STOX2: variants seen among roughly 807,000 people sequenced by gnomAD.
STOX2 encodes storkhead box 2, also known as storkhead-box protein 2.
Under a neutral mutation model 60.9 loss-of-function variants are expected in STOX2, and 28 were observed. The observed-to-expected ratio is 0.46, with a 90% CI of 0.34 to 0.63. The LOEUF (loss-of-function observed/expected upper bound fraction) is 0.63. Among genes scored for constraint, STOX2 ranks in the 30% least tolerant of loss-of-function variants. The pLI, the probability that STOX2 is intolerant of heterozygous loss-of-function variation, is 0.01. For missense variants in STOX2, 1,024 were observed against 1,187.7 expected (o/e 0.86, Z 2.03); for synonymous variants, 472 against 463.9 (o/e 1.02, Z -0.22).
At position 183,848,594 on chromosome 4, in the gene STOX2, C is replaced by T. The variant is rs144123646; in HGVS notation, c.364+50539C>T. Among the ~76,000 whole-genome samples the T allele has an allele frequency of 3.9e-5, 6 of 151,946 alleles. No homozygotes were observed. In the East Asian group the frequency reaches 7.8e-4, roughly 20 times the overall value. ...CTGTAAGCCAGGAAGAGAGAATAAC[C>T]GTTAGGTGGGCAGTGGACAATGGCT... On this transcript the variant is annotated intron_variant, in intron 1 of 2. Coordinates refer to the STOX2 transcript ENST00000513034.
At chr4:183,829,959 GC>G (rs1282436766) in intron 1 of STOX2, among the ~76,000 whole-genome samples, 3 of 152,190 alleles carry the variant, frequency 2.0e-5, no homozygotes, top group Non-Finnish European at 4.4e-5. Flanking sequence ...GCTGAAGATG[GC>G]CATTACTGGG....
chr4:183,798,822 A>G (rs1738693395), intron 1 of STOX2: 2 of 960,230 alleles, frequency 2.1e-6, no homozygotes, highest in Non-Finnish European at 2.4e-6. Context: ...TTATTGCACT[A>G]CTTCATTTCC....
intron 1 of STOX2, among the ~76,000 whole-genome samples, chr4:183,979,952 G>A (rs1732588958): frequency 6.6e-6 from 1 of 151,900 alleles, no homozygotes; most frequent in African/African-American, 2.4e-5. Context: ...TTATTCCTGA[G>A]GAACTAATAT....
rs1035315225 is a variant in STOX2, at chr4:183,821,765, C to G, written c.364+23710C>G. On this transcript the variant is annotated intron_variant, in intron 1 of 2. Transcript: ENST00000513034. The surrounding 1 kb of genome is among the most constrained non-coding windows in gnomAD (Gnocchi z 4.2). ...TCCCTGCTGCTCCAGCAGCCTCCCC[C>G]TCCACATCCCTGCGGAGCACCCATC... Among the ~76,000 whole-genome samples, 3 of 152,232 alleles carry G rather than the reference C, an allele frequency of 2.0e-5. No individual in the cohort carries two copies. The highest frequency in any genetic ancestry group is 6.5e-5 in the Admixed American group (1 of 15,280).
At chr4:183,822,171 CCAGAGAGGA>C (rs2111111579) in intron 1 of STOX2, among the ~76,000 whole-genome samples, 1 of 152,316 alleles carries the variant, frequency 6.6e-6, no homozygotes, top group South Asian at 2.1e-4. Context: ...CCTGTGCCCT[CCAGAGAGGA>C]CAGATCCCAT....
In STOX2 at chr4:184,022,822, C is replaced by T. The variant is rs56285832; in HGVS notation, c.*5538C>T. On this transcript the variant is annotated 3_prime_UTR_variant, in exon 4 of 4. Coordinates refer to ENST00000308497, the MANE Select transcript of STOX2 (RefSeq NM_020225.3). ...CCACCTAGATACTGACACACCGCCA[C>T]GGTTTCCACATTGGAAGGGCAGAAC... The T allele has an allele frequency of 0.2, 30,909 of 152,096 alleles. 3,548 individuals carry two copies. The highest frequency in any genetic ancestry group is 0.36 in the Middle Eastern group (108 of 296). 9.4% of individuals were successfully genotyped at this position (152,096 alleles called of 1,614,324 possible).
At chr4:183,844,649 G>T (rs898162023) in intron 1 of STOX2, among the ~76,000 whole-genome samples, 5 of 152,188 alleles carry the variant, frequency 3.3e-5, no homozygotes, top group Admixed American at 3.3e-4. Context: ...TTTAATTGCA[G>T]TTATTAAAAA....
intron 1 of STOX2, among the ~76,000 whole-genome samples, chr4:183,880,548 T>C (rs937737866): frequency 6.6e-6 from 1 of 152,188 alleles, no homozygotes; most frequent in Non-Finnish European, 1.5e-5. Context: ...ATAAAGATAA[T>C]TTTTTCATCT....
chr4:183,975,912 G>A (rs919103406), intron 1 of STOX2, among the ~76,000 whole-genome samples: 2 of 152,168 alleles, frequency 1.3e-5, no homozygotes, highest in South Asian at 4.1e-4. Context: ...CATAGATGCA[G>A]AAATCCTTCA....
rs1734459856 is a variant in STOX2, at chr4:184,018,371, A to G, written c.*1087A>G. On this transcript the variant is annotated 3_prime_UTR_variant, in exon 4 of 4. Transcript: ENST00000308497. ...TTTTAGTGGTTGTAGGAAAGAGCAA[A>G]TTTAGGGAGTGTTGAACTTCAGGCC... is the stretch of plus-strand genomic sequence containing the variant. 1.3e-5 allele frequency: 2 copies of G among 152,166 alleles called. No homozygotes were observed. Among genetic ancestry groups the G allele is most frequent in the South Asian group, 4.1e-4 (2 of 4,822 alleles). The allele number at this position is 152,166 out of a possible 1,614,324, so 9.4% of individuals were successfully genotyped here.
chr4:183,798,130 C>A (rs146992605), intron 1 of STOX2: 89,419 of 1,201,164 alleles, frequency 0.074, 3,768 homozygotes, highest in Non-Finnish European at 0.084. Flanking sequence ...CGCGGGTGCC[C>A]CGCCCTGCCC....
intron 1 of STOX2, among the ~76,000 whole-genome samples, chr4:183,919,726 C>T (rs1452867583): frequency 6.6e-6 from 1 of 152,106 alleles, no homozygotes; most frequent in East Asian, 1.9e-4. Context: ...CCCCCTCGGC[C>T]TCCCAAGTAG....
At position 183,906,700 on chromosome 4, in the gene STOX2, C is replaced by G; in HGVS notation, c.-91C>G. The G allele has an allele frequency of 7.4e-7, 1 of 1,346,980 alleles. No homozygotes were observed. Among genetic ancestry groups the G allele is most frequent in the East Asian group, 2.7e-5 (1 of 37,352 alleles). 83.4% of individuals were successfully genotyped at this position (1,346,980 alleles called of 1,614,324 possible). Reference sequence around the variant, plus strand: ...TGGGAAAATGTGCGCAGAGTCCGCCCGGGTCGTGCCCGCCGTAGACGGATG... The same window carrying G: ...TGGGAAAATGTGCGCAGAGTCCGCCGGGGTCGTGCCCGCCGTAGACGGATG... On this transcript the variant is annotated 5_prime_UTR_variant, in exon 1 of 4. Transcript: ENST00000308497.
In STOX2 at chr4:183,935,436, A is replaced by G. The variant is rs548937483; in HGVS notation, c.166+28480A>G. Among the ~76,000 whole-genome samples the G allele has an allele frequency of 3.3e-5, 5 of 152,382 alleles. No individual in the cohort carries two copies. In the East Asian group the frequency reaches 5.8e-4, roughly 18 times the overall value. ...CAGCATTTTGGGGCTAACGCTCTAG[A>G]GAATTATAAGGGTGAATAAGTCTAT... On this transcript the variant is annotated intron_variant, in intron 1 of 3. Coordinates refer to ENST00000308497, the MANE Select transcript of STOX2 (RefSeq NM_020225.3).
intron 1 of STOX2, among the ~76,000 whole-genome samples, chr4:183,885,562 T>A (rs1741060720): frequency 6.6e-6 from 1 of 152,142 alleles, no homozygotes; most frequent in East Asian, 1.9e-4. Flanking sequence ...CGCATTTGCT[T>A]TGTTAATGGT....
At chr4:183,899,952 A>T (rs941336755) in intron 1 of STOX2, among the ~76,000 whole-genome samples, 1 of 152,204 alleles carries the variant, frequency 6.6e-6, no homozygotes, top group Non-Finnish European at 1.5e-5. Context: ...CTAGGGGCTA[A>T]TGGAGCTGGT....
chr4:183,803,607 G>T (rs1456943960), intron 1 of STOX2, among the ~76,000 whole-genome samples: 1 of 152,208 alleles, frequency 6.6e-6, no homozygotes, highest in African/African-American at 2.4e-5. Flanking sequence ...TGGAGAACAA[G>T]TCAGATACAG....
At chr4:183,799,320 C>T (rs549567990) in intron 1 of STOX2, among the ~76,000 whole-genome samples, 22 of 152,256 alleles carry the variant, frequency 1.4e-4, no homozygotes, top group African/African-American at 4.8e-4. Context: ...TTAGCAAGAA[C>T]CTCAGTCTCT....
intron 2 of STOX2, among the ~76,000 whole-genome samples, chr4:184,003,316 G>C (rs991021909): frequency 3.9e-5 from 6 of 152,214 alleles, no homozygotes; most frequent in African/African-American, 1.4e-4. Context: ...AGAACATACA[G>C]CCAGTGTGTA....
Sources: allele counts gnomAD v4.1 joint callset (sites outside exome capture counted in the v4.1 genomes callset), GRCh38; gene constraint gnomAD v4.1.1; non-coding constraint Gnocchi (gnomAD v3.1); transcripts MANE v1.5; gene names NCBI Gene and HGNC (gene_info 2026-07-23, HGNC 2026-07-21).